Variants in PLK3 observed in about 807,000 individuals in gnomAD.
The protein encoded by PLK3 is serine/threonine-protein kinase PLK3.
PLK3 carries 41 observed loss-of-function variants against 71.6 expected under a neutral mutation model. That is an observed-to-expected ratio of 0.57 (90% confidence interval 0.45 to 0.74). PLK3 has a LOEUF of 0.74. PLK3 is among the 30% of genes least tolerant of loss of function. PLK3 has a pLI of 0.00. For missense variants in PLK3, 791 were observed against 875.6 expected, an observed-to-expected ratio of 0.90 and a Z score of 1.22; for synonymous variants, 366 against 355.4, an observed-to-expected ratio of 1.03 and a Z score of -0.33.
In PLK3 at chr1:44,801,644, C is replaced by A; in HGVS notation, c.458C>A (p.Ala153Asp). The A allele has an allele frequency of 6.2e-7, 1 of 1,613,504 alleles. No homozygotes were observed. Among genetic ancestry groups the A allele is most frequent in the Non-Finnish European group, 8.5e-7 (1 of 1,179,856 alleles). ...CAGTCCCTGGCCCACATCTGGAAGG[C>A]CCGGCACACCCTGTTGGAGCCAGAA... is the stretch of plus-strand genomic sequence containing the variant. ...SRKSLAHIWKARHTLLEPEVR... is the reference protein window; with the variant it reads ...SRKSLAHIWKDRHTLLEPEVR... Residue 153 changes from alanine (A) to aspartate (D), a missense_variant, in exon 4 of 15, where the codon GCC becomes GAC. Ala to Asp is a moderately radical substitution (Grantham distance 126). Coordinates refer to ENST00000372201, the MANE Select transcript of PLK3 (RefSeq NM_004073.4).
chr1:44,804,448 T>G lies in PLK3; in HGVS notation c.1452T>G (p.Arg484=), dbSNP rs1012123411. ...FGFGYQLSSR[R]VAVLFNDGTH... ...TTGGGTATCAACTGTCCAGCCGCCGTGTGGCTGTGCTCTTCAACGATGGCA... is the reference window on the plus strand; with the variant it reads ...TTGGGTATCAACTGTCCAGCCGCCGGGTGGCTGTGCTCTTCAACGATGGCA... The change falls in exon 12 of 15, where the codon CGT becomes CGG. Residue 484 remains arginine (R), a synonymous_variant. Coordinates refer to ENST00000372201, the MANE Select transcript of PLK3 (RefSeq NM_004073.4). 2 of 1,614,084 alleles carry G rather than the reference T, an allele frequency of 1.2e-6. No homozygotes were observed. The highest frequency in any genetic ancestry group is 1.7e-6 in the Non-Finnish European group (2 of 1,180,020).
At position 44,803,900 on chromosome 1, in the gene PLK3, T is replaced by C; in HGVS notation, c.1165-31T>C. On this transcript the variant is annotated intron_variant, in intron 9 of 14. Coordinates refer to ENST00000372201, the MANE Select transcript of PLK3 (RefSeq NM_004073.4). The surrounding 1 kb of genome is among the most constrained non-coding windows in gnomAD (Gnocchi z 4.3). Reference sequence around the variant, plus strand: ...TCAAGGGTTTGGATTTTGGGGCCTGTGTCACTCCCTTTCCCTGCCCAACCC... The same window carrying C: ...TCAAGGGTTTGGATTTTGGGGCCTGCGTCACTCCCTTTCCCTGCCCAACCC... The C allele has an allele frequency of 6.7e-7, 1 of 1,483,780 alleles. No individual in the cohort carries two copies. The highest frequency in any genetic ancestry group is 9.2e-7 in the Non-Finnish European group (1 of 1,086,618). The allele number at this position is 1,483,780 out of a possible 1,614,324, so 91.9% of individuals were successfully genotyped here.
chr1:44,800,420 G>T lies in PLK3; in HGVS notation c.-44G>T. 7.8e-7 allele frequency: 1 copy of T among 1,288,100 alleles called. No homozygotes were observed. Among genetic ancestry groups the T allele is most frequent in the Non-Finnish European group, 9.8e-7 (1 of 1,021,900 alleles). The allele number at this position is 1,288,100 out of a possible 1,614,324, so 79.8% of individuals were successfully genotyped here. On this transcript the variant is annotated 5_prime_UTR_variant, in exon 1 of 15. Coordinates refer to ENST00000372201, the MANE Select transcript of PLK3 (RefSeq NM_004073.4). This position sits in a 1 kb window ranked among gnomAD's most constrained non-coding sequence, Gnocchi z 6.5. The stretch of plus-strand genomic sequence containing the variant: ...GCAGCGCCACGCGCGGCCGGGGCCG[G>T]GCGGAACCGAGAAGCCGGGACCGCG...
In PLK3 at chr1:44,805,373, T is replaced by C. The variant is rs1651991349; in HGVS notation, c.1743T>C (p.Thr581=). The part of the protein sequence containing the change: ...QALLMLFSDG[T]VQVNFYGDHT... The stretch of plus-strand genomic sequence containing the variant: ...TCCTCATGCTGTTTAGTGATGGCAC[T>C]GTCCAGGTAAGAGCCTATCCAGGAG... Residue 581 remains threonine (T), a synonymous_variant, in exon 14 of 15, where the codon ACT becomes ACC. Coordinates refer to ENST00000372201, the MANE Select transcript of PLK3 (RefSeq NM_004073.4). 1.2e-6 allele frequency: 2 copies of C among 1,613,272 alleles called. No homozygotes were observed. The highest frequency in any genetic ancestry group is 4.5e-5 in the East Asian group (2 of 44,868).
At chr1:44,802,723 G>T in intron 5 of PLK3, 37 bp from the exon 6 acceptor site, 1 of 1,447,576 alleles carries the variant, frequency 6.9e-7, no homozygotes, top group Non-Finnish European at 9.7e-7. Context: ...GCTGGGCTGG[G>T]TCTCAGCCTT....
At chr1:44,802,639 CAGG>C in intron 5 of PLK3, 118 bp from the exon 6 acceptor site, 1 of 728,890 alleles carries the variant, frequency 1.4e-6, no homozygotes, top group Non-Finnish European at 2.4e-6. Context: ...CCAGGACAAG[CAGG>C]AGTTCTCTGG....
intron 5 of PLK3, among the ~76,000 whole-genome samples, chr1:44,802,253 A>ATGTG (rs1651857763): frequency 6.6e-6 from 1 of 151,752 alleles, no homozygotes; most frequent in Non-Finnish European, 1.5e-5. Flanking sequence ...GGCAGCGTGT[A>ATGTG]TGTGTGTGTG....
In PLK3 at chr1:44,801,998, T is replaced by C. The variant is rs17886752; in HGVS notation, c.653+66T>C. 99 of 1,236,322 alleles carry C rather than the reference T, an allele frequency of 8.0e-5. No individual in the cohort carries two copies. In the African/African-American group the frequency reaches 1.2e-3, roughly 15 times the overall value. 76.6% of individuals were successfully genotyped at this position (1,236,322 alleles called of 1,614,324 possible). ...ACATGCGTGATAGACAGTGCATATG[T>C]ATGTGGGAGGCAAGGTGACTGCCTG... On this transcript the variant is annotated intron_variant, in intron 5 of 14. Coordinates refer to ENST00000372201, the MANE Select transcript of PLK3 (RefSeq NM_004073.4).
chr1:44,801,345 G>A (rs187626622), intron 3 of PLK3, among the ~76,000 whole-genome samples, 193 bp downstream of exon 3: 23 of 151,796 alleles, frequency 1.5e-4, no homozygotes, highest in Non-Finnish European at 1.8e-4. Flanking sequence ...GAGTAGCTGG[G>A]ATTACAGGCA....
chr1:44,802,700 G>C, intron 5 of PLK3, 60 bp from the exon 6 acceptor site: 3 of 1,135,790 alleles, frequency 2.6e-6, no homozygotes, highest in Non-Finnish European at 4.0e-6. Flanking sequence ...GTGGGGGAAG[G>C]AGTCGGGGGG....
At chr1:44,801,600 C>T in intron 3 of PLK3, 22 bp from the exon 4 acceptor site, 1 of 1,608,086 alleles carries the variant, frequency 6.2e-7, no homozygotes, top group African/African-American at 1.3e-5. Context: ...TCACCAGGGG[C>T]TGAGGCAGTG....
At chr1:44,804,527 T>A (rs762344007) in intron 12 of PLK3, 26 bp downstream of exon 12, 1 of 1,612,288 alleles carries the variant, frequency 6.2e-7, no homozygotes, top group East Asian at 2.2e-5. Context: ...GGGTGCCTTG[T>A]ATTCAGGCCA....
rs1298286373 is a variant in PLK3, at chr1:44,803,061, C to T, written c.856C>T (p.Pro286Ser). 2 of 1,613,914 alleles carry T rather than the reference C, an allele frequency of 1.2e-6. No individual in the cohort carries two copies. Among genetic ancestry groups the T allele is most frequent in the African/African-American group, 2.7e-5 (2 of 74,906 alleles). ...CACGCTGCCTGCCAGCCTCTCACTG[C>T]CTGCCCGGCAGCTCCTGGCCGCCAT... is the stretch of plus-strand genomic sequence containing the variant. Reference protein sequence around the residue: ...HYTLPASLSLPARQLLAAILR... With the variant: ...HYTLPASLSLSARQLLAAILR... The change falls in exon 7 of 15, where the codon CCT becomes TCT. Residue 286 changes from proline to serine, a missense_variant. Coordinates refer to ENST00000372201, the MANE Select transcript of PLK3 (RefSeq NM_004073.4). The surrounding 1 kb of genome is among the most constrained non-coding windows in gnomAD (Gnocchi z 4.3).
At position 44,805,660 on chromosome 1, in the gene PLK3, G is replaced by A. The variant is rs768490973; in HGVS notation, c.1923G>A (p.Arg641=). The A allele has an allele frequency of 2.7e-5, 43 of 1,612,672 alleles. No homozygotes were observed. The highest frequency in any genetic ancestry group is 6.7e-5 in the African/African-American group (5 of 74,952). ...TCCGCTATGCTCTGCGCCTGCTCCG[G>A]GACCGCAGCCCAGCCTAGGACCCAA... ...QRLRYALRLL[R]DRSPA The change falls in exon 15 of 15, where the codon CGG becomes CGA. Residue 641 remains arginine, a synonymous_variant. Coordinates refer to ENST00000372201, the MANE Select transcript of PLK3 (RefSeq NM_004073.4).
chr1:44,805,682 C>G lies in PLK3; in HGVS notation c.*4C>G, dbSNP rs903241977. On this transcript the variant is annotated 3_prime_UTR_variant, in exon 15 of 15. Transcript: ENST00000372201. ...CCGGGACCGCAGCCCAGCCTAGGAC[C>G]CAAGCCCTGAGGCCTGAGGCCTGTG... 4.3e-6 allele frequency: 7 copies of G among 1,610,298 alleles called. No homozygotes were observed. Among genetic ancestry groups the G allele is most frequent in the Non-Finnish European group, 5.9e-6 (7 of 1,179,726 alleles).
Position 44,800,854 on chromosome 1 carries a change from C to T in PLK3, c.225C>T (p.Arg75=). Residue 75 remains arginine, a synonymous_variant, in exon 2 of 15, where the codon CGC becomes CGT. Coordinates refer to ENST00000372201, the MANE Select transcript of PLK3 (RefSeq NM_004073.4). The surrounding 1 kb of genome is among the most constrained non-coding windows in gnomAD (Gnocchi z 6.5). Reference sequence around the variant, plus strand: ...CCTCTTCACAGGGGGGCTTCGCCCGCTGCTACGAGGCCACTGACACAGAGA... The same window carrying T: ...CCTCTTCACAGGGGGGCTTCGCCCGTTGCTACGAGGCCACTGACACAGAGA... ...GRLLGKGGFA[R]CYEATDTETG... is the part of the protein sequence containing the mutation. The T allele has an allele frequency of 6.2e-7, 1 of 1,610,478 alleles. No homozygotes were observed. Among genetic ancestry groups the T allele is most frequent in the Non-Finnish European group, 8.5e-7 (1 of 1,179,486 alleles).
In PLK3 at chr1:44,801,002, A is replaced by G. The variant is rs1205241990; in HGVS notation, c.319-34A>G. On this transcript the variant is annotated intron_variant, in intron 2 of 14. Transcript: ENST00000372201. Reference sequence around the variant, plus strand: ...GGGTGGGGACGGTGGCATGGGAACCATGGAAGGATGACGACTCCGCGCCCT... The same window carrying G: ...GGGTGGGGACGGTGGCATGGGAACCGTGGAAGGATGACGACTCCGCGCCCT... 5.0e-6 allele frequency: 8 copies of G among 1,608,200 alleles called. No homozygotes were observed. The Admixed American group carries it at 1.3e-4, about 27-fold the overall frequency.
chr1:44,803,684 G>C lies in PLK3; in HGVS notation c.1157G>C (p.Arg386Thr). Residue 386 changes from arginine to threonine, a missense_variant, in exon 9 of 15, where the codon AGG (arginine) becomes ACG (threonine). Physicochemically the swap from Arg to Thr is moderately conservative, Grantham distance 71 (BLOSUM62 -1). Transcript: ENST00000372201. The surrounding 1 kb of genome is among the most constrained non-coding windows in gnomAD (Gnocchi z 4.3). ...ACATCCGTTGGCCATCAGGATGCCA[G>C]GCCAGAGGTGAGGCGCTCAGGTGGA... ...MRTSVGHQDA[R>T]PEAPAASGPA... 6.2e-7 allele frequency: 1 copy of C among 1,611,254 alleles called. No homozygotes were observed. Among genetic ancestry groups the C allele is most frequent in the Non-Finnish European group, 8.5e-7 (1 of 1,178,092 alleles).
At chr1:44,805,162 T>C in intron 13 of PLK3, 104 bp from the exon 14 acceptor site, 1 of 768,100 alleles carries the variant, frequency 1.3e-6, no homozygotes, top group Non-Finnish European at 2.3e-6. Flanking sequence ...TGATTCCCCC[T>C]TGGTGGTGGT....
Sources: gnomAD v4.1 joint callset for allele counts (sites outside exome capture counted in the v4.1 genomes callset) on GRCh38, gnomAD v4.1.1 for gene constraint, Gnocchi (gnomAD v3.1) non-coding constraint, MANE v1.5 for transcripts, NCBI Gene and HGNC (gene_info 2026-07-23, HGNC 2026-07-21) for gene names.